CATSPER4: variants seen among roughly 807,000 people sequenced by gnomAD.
CATSPER4 encodes cation channel sperm associated 4.
A neutral mutation model predicts 54.4 loss-of-function variants in CATSPER4; 46 were observed. The ratio of observed to expected loss-of-function variants is 0.84; its 90% confidence interval spans 0.67 to 1.08. The LOEUF is 1.08. CATSPER4 is among the 50% of genes least tolerant of loss of function. The pLI is 0.00. For synonymous variants in CATSPER4, 230 were observed against 231.9 expected (o/e 0.99, Z 0.08); for missense variants, 574 against 612.8 (o/e 0.94, Z 0.67).
intron 9 of CATSPER4, 125 bp downstream of exon 9, chr1:26,201,644 C>A: frequency 1.2e-6 from 1 of 827,344 alleles, no homozygotes; most frequent in Non-Finnish European, 2.0e-6. Flanking sequence ...CCCTCACCAC[C>A]ACCACCCCTC....
intron 3 of CATSPER4, among the ~76,000 whole-genome samples, chr1:26,197,039 C>T (rs760336184): frequency 6.6e-6 from 1 of 151,932 alleles, no homozygotes; most frequent in Non-Finnish European, 1.5e-5. Context: ...TCCCAAGTAG[C>T]TGGGACTACA....
rs2088997532 is a variant in CATSPER4, at chr1:26,200,776, C to T, written c.988-54C>T. 13 of 1,416,480 alleles carry T rather than the reference C, an allele frequency of 9.2e-6. No individual in the cohort carries two copies. The East Asian group carries it at 2.3e-4, about 25-fold the overall frequency. The allele number at this position is 1,416,480 out of a possible 1,614,324, so 87.7% of individuals were successfully genotyped here. ...CTGAAGCCAAGCAGGAAAAGGGTGC[C>T]GGGGGCGTGCCTGCCTGAGCTGTCC... On this transcript the variant is annotated intron_variant, in intron 7 of 9. Transcript: ENST00000456354.
At chr1:26,195,219 T>C (rs1347652927) in intron 3 of CATSPER4, among the ~76,000 whole-genome samples, 1 of 152,328 alleles carries the variant, frequency 6.6e-6, no homozygotes, top group East Asian at 1.9e-4. Flanking sequence ...TTCTAGGTAA[T>C]GTTTTTATAT....
At chr1:26,193,763 C>A (rs1557629703) in intron 2 of CATSPER4, 24 bp from the exon 3 acceptor site, 8 of 1,550,040 alleles carry the variant, frequency 5.2e-6, no homozygotes, top group South Asian at 1.1e-5. Flanking sequence ...CTCTGCCCCT[C>A]TTTTTTCTCT....
In CATSPER4 at chr1:26,201,095, A is replaced by G. The variant is rs536204179; in HGVS notation, c.1199+54A>G. ...AGTCATGTGAGTCAAGGCTGGGCGG[A>G]GCGTCAGAGTCTTCTGGCCTCACGC... On this transcript the variant is annotated intron_variant, in intron 8 of 9. Coordinates refer to ENST00000456354, the MANE Select transcript of CATSPER4 (RefSeq NM_198137.2). The G allele has an allele frequency of 5.0e-5, 72 of 1,429,526 alleles. No individual in the cohort carries two copies. The South Asian group carries it at 8.0e-4, about 16-fold the overall frequency. 88.6% of individuals were successfully genotyped at this position (1,429,526 alleles called of 1,614,324 possible). A position where few individuals can be genotyped will look rare whatever the true frequency, so the allele number is the denominator to read the frequency against.
Position 26,193,857 on chromosome 1 carries a change from G to T in CATSPER4, c.428G>T (p.Gly143Val). ...LTILLCEVLLGWLNGFWIFWK... is the reference protein window; with the variant it reads ...LTILLCEVLLVWLNGFWIFWK... ...ATCCTTCTTTGTGAGGTTCTCCTTGGCTGGCTCAATGGCTTCTGGATTTTC... is the reference window on the plus strand; with the variant it reads ...ATCCTTCTTTGTGAGGTTCTCCTTGTCTGGCTCAATGGCTTCTGGATTTTC... Residue 143 changes from glycine (G) to valine (V), a missense_variant, in exon 3 of 10, where the codon GGC becomes GTC. Gly to Val is a moderately radical substitution (Grantham distance 109). Transcript: ENST00000456354. 1 of 1,614,020 alleles carries T rather than the reference G, an allele frequency of 6.2e-7. No individual in the cohort carries two copies. The highest frequency in any genetic ancestry group is 8.5e-7 in the Non-Finnish European group (1 of 1,179,972).
chr1:26,192,857 C>T (rs888942412), intron 2 of CATSPER4, among the ~76,000 whole-genome samples: 2 of 151,920 alleles, frequency 1.3e-5, no homozygotes, highest in Admixed American at 6.5e-5. Context: ...TTGGGGAGGA[C>T]ACTTTGAGAG....
rs2124527709 is a variant in CATSPER4 at position 26,198,275 on chromosome 1, C to T, written c.679-11C>T. On this transcript the variant is annotated splice_polypyrimidine_tract_variant and intron_variant, in intron 5 of 9. Coordinates refer to ENST00000456354, the MANE Select transcript of CATSPER4 (RefSeq NM_198137.2). Reference sequence around the variant, plus strand: ...GGTGAAGTCGGGGTGGGGCTCTTTTCTCTCTGACAGGTTTTTTCCGTGTTT... The same window carrying T: ...GGTGAAGTCGGGGTGGGGCTCTTTTTTCTCTGACAGGTTTTTTCCGTGTTT... 1 of 1,614,188 alleles carries T rather than the reference C, an allele frequency of 6.2e-7. No individual in the cohort carries two copies. Among genetic ancestry groups the T allele is most frequent in the Non-Finnish European group, 8.5e-7 (1 of 1,180,008 alleles).
rs558258213 is a variant in CATSPER4, at chr1:26,193,386, C to T, written c.358-401C>T. ...TGTTCTCCACCCTCAGAGGCCAGGC[C>T]TTTTCCTCCCAATCCTGGAGGCTGT... On this transcript the variant is annotated intron_variant, in intron 2 of 9. Transcript: ENST00000456354. Among the ~76,000 whole-genome samples the T allele has an allele frequency of 4.6e-5, 7 of 152,270 alleles. 1 individual carries two copies. The South Asian group carries it at 1.5e-3, about 32-fold the overall frequency.
chr1:26,196,865 G>T (rs1198692255), intron 3 of CATSPER4, among the ~76,000 whole-genome samples: 2 of 151,160 alleles, frequency 1.3e-5, no homozygotes, highest in African/African-American at 4.9e-5. Flanking sequence ...TGTCTTATTG[G>T]ACAAAGGGCT....
Position 26,191,280 on chromosome 1 carries a change from C to T in CATSPER4, c.214-7C>T, listed in dbSNP as rs925069190. The T allele has an allele frequency of 1.9e-6, 3 of 1,614,028 alleles. No homozygotes were observed. The highest frequency in any genetic ancestry group is 2.5e-6 in the Non-Finnish European group (3 of 1,180,008). On this transcript the variant is annotated splice_polypyrimidine_tract_variant and splice_region_variant and intron_variant, in intron 1 of 9. Coordinates refer to ENST00000456354, the MANE Select transcript of CATSPER4 (RefSeq NM_198137.2). ...CCTGCCTGAAGGAAGGTCCTGCCCTCTTCCAGGACGCCTGGGACATGCAGG... is the reference window on the plus strand; with the variant it reads ...CCTGCCTGAAGGAAGGTCCTGCCCTTTTCCAGGACGCCTGGGACATGCAGG...
At chr1:26,195,595 G>A (rs1027214829) in intron 3 of CATSPER4, among the ~76,000 whole-genome samples, 12 of 150,576 alleles carry the variant, frequency 8.0e-5, no homozygotes, top group East Asian at 2.0e-4. Context: ...CTGCCTCCCC[G>A]GGTTCACACC....
At chr1:26,195,609 C>A (rs2088928731) in intron 3 of CATSPER4, among the ~76,000 whole-genome samples, 1 of 151,496 alleles carries the variant, frequency 6.6e-6, no homozygotes, top group South Asian at 2.1e-4. Context: ...TCACACCATT[C>A]TTCTGCCTCA....
Position 26,201,432 on chromosome 1 carries a change from CGG to C in CATSPER4, c.1280_1281del (p.Gly427ValfsTer25). ...EVLNRRSSTS[G>X]SLETTSSKDI... ...TGTTGAACAGGCGCTCGTCGACGAG[CGG>C]GTCGTTGGAGACTACGTCATCCAAG... On this transcript the variant is annotated frameshift_variant, in exon 9 of 10. Coordinates refer to ENST00000456354, the MANE Select transcript of CATSPER4 (RefSeq NM_198137.2). LOFTEE classifies it high-confidence loss of function. 6.2e-7 allele frequency: 1 copy of C among 1,613,996 alleles called. No individual in the cohort carries two copies. The highest frequency in any genetic ancestry group is 8.5e-7 in the Non-Finnish European group (1 of 1,179,936).
At chr1:26,197,253 T>A (rs190954138) in intron 3 of CATSPER4, among the ~76,000 whole-genome samples, 7 of 152,334 alleles carry the variant, frequency 4.6e-5, no homozygotes, top group African/African-American at 1.7e-4. Flanking sequence ...ACCTCAGAAC[T>A]GGCTACTGAA....
chr1:26,190,863 A>G (rs748230960), intron 1 of CATSPER4, 23 bp downstream of exon 1: 27 of 1,580,560 alleles, frequency 1.7e-5, no homozygotes, highest in Non-Finnish European at 2.1e-5. Flanking sequence ...CTCGCCCCAC[A>G]GTGGCCCCTT....
In CATSPER4 at chr1:26,201,487, G is replaced by T; in HGVS notation, c.1333G>T (p.Asp445Tyr). 6.2e-7 allele frequency: 1 copy of T among 1,614,066 alleles called. No individual in the cohort carries two copies. The highest frequency in any genetic ancestry group is 8.5e-7 in the Non-Finnish European group (1 of 1,179,982). ...KDIRQMSQQQDLLSALVSMEK... is the reference protein window; with the variant it reads ...KDIRQMSQQQYLLSALVSMEK... ...CATCCGCCAGATGTCTCAACAGCAA[G>T]ACTTGCTCAGTGCGCTCGTTAGCAT... Residue 445 changes from aspartate to tyrosine, a missense_variant, in exon 9 of 10, where the codon GAC becomes TAC. Physicochemically the swap from Asp to Tyr is radical, Grantham distance 160 (BLOSUM62 -3). Coordinates refer to ENST00000456354, the MANE Select transcript of CATSPER4 (RefSeq NM_198137.2).
At chr1:26,199,826 A>T in intron 6 of CATSPER4, 58 bp from the exon 7 acceptor site, 1 of 1,589,448 alleles carries the variant, frequency 6.3e-7, no homozygotes, top group South Asian at 1.1e-5. Flanking sequence ...TTCAATGACA[A>T]GGAAACTCAG....
At chr1:26,199,727 A>G (rs1301097057) in intron 6 of CATSPER4, among the ~76,000 whole-genome samples, 157 bp from the exon 7 acceptor site, 2 of 152,210 alleles carry the variant, frequency 1.3e-5, no homozygotes, top group Non-Finnish European at 2.9e-5. Context: ...AGTAGAGAGC[A>G]GCTATTGAGA....
Sources: allele counts gnomAD v4.1 joint callset (sites outside exome capture counted in the v4.1 genomes callset), GRCh38; gene constraint gnomAD v4.1.1; transcripts MANE v1.5; gene names NCBI Gene and HGNC (gene_info 2026-07-23, HGNC 2026-07-21).